The following DOCK10 variants were observed in gnomAD, a reference collection of about 807,000 sequenced individuals.
DOCK10 encodes the protein dedicator of cytokinesis 10.
A neutral mutation model predicts 280.1 loss-of-function variants in DOCK10; 145 were observed. The ratio of observed to expected loss-of-function variants is 0.52; its 90% CI spans 0.45 to 0.59. The LOEUF is 0.59. Ranked by LOEUF, DOCK10 falls within the 20% of genes least tolerant of loss-of-function variation. The pLI is 0.00. For synonymous variants in DOCK10, 915 were observed against 942.2 expected, an observed-to-expected ratio of 0.97 and a Z score of 0.53; for missense variants, 2,368 against 2,651.7, an observed-to-expected ratio of 0.89 and a Z score of 2.35.
At chr2:224,912,732 T>C (rs1171340555) in intron 3 of DOCK10, among the ~76,000 whole-genome samples, 2 of 152,078 alleles carry the variant, frequency 1.3e-5, no homozygotes, top group Non-Finnish European at 2.9e-5. Context: ...TAACAATATA[T>C]TATGGGCATC....
chr2:224,893,062 T>C (rs901739619), intron 4 of DOCK10, among the ~76,000 whole-genome samples: 1 of 152,212 alleles, frequency 6.6e-6, no homozygotes, highest in Non-Finnish European at 1.5e-5. Flanking sequence ...GCATCCGACA[T>C]TGGTGATAAC....
intron 1 of DOCK10, among the ~76,000 whole-genome samples, chr2:224,961,979 TG>T (rs1553623841): frequency 6.6e-6 from 1 of 152,142 alleles, no homozygotes; most frequent in Non-Finnish European, 1.5e-5. Flanking sequence ...AGGAGTTTAT[TG>T]AGGAGCCATG....
intron 26 of DOCK10, among the ~76,000 whole-genome samples, chr2:224,830,919 CTTTT>C (rs1320598112): frequency 2.6e-4 from 24 of 93,756 alleles, no homozygotes; most frequent in Non-Finnish European, 5.1e-4. Context: ...ACTAAACAAA[CTTTT>C]ATTTATTTAT....
chr2:224,826,218 C>A (rs913367645), intron 27 of DOCK10, among the ~76,000 whole-genome samples: 2 of 152,092 alleles, frequency 1.3e-5, no homozygotes, highest in Admixed American at 1.3e-4. Flanking sequence ...TGTGTGCCAC[C>A]ACATCCAGCT....
At chr2:224,976,850 G>C (rs1705475278) in intron 1 of DOCK10, among the ~76,000 whole-genome samples, 1 of 151,936 alleles carries the variant, frequency 6.6e-6, no homozygotes, top group Non-Finnish European at 1.5e-5. Flanking sequence ...TTTTGTTTTT[G>C]GTTTTGTTTT....
At position 224,840,529 on chromosome 2, in the gene DOCK10, T is replaced by C. The variant is rs372949079; in HGVS notation, c.2662-457A>G. Among the ~76,000 whole-genome samples, 5 of 152,296 alleles carry C rather than the reference T, an allele frequency of 3.3e-5. No homozygotes were observed. In the South Asian group the frequency reaches 6.2e-4, roughly 19 times the overall value. ...AAAAAATGTTCAACGTCATTAATCA[T>C]TGGAGAAATGCAAATTAAAACCACA... On this transcript the variant is annotated intron_variant, in intron 23 of 55. Transcript: ENST00000258390.
chr2:224,858,062 T>G (rs933300356), intron 14 of DOCK10, among the ~76,000 whole-genome samples: 1 of 152,194 alleles, frequency 6.6e-6, no homozygotes, highest in Non-Finnish European at 1.5e-5. Flanking sequence ...ATATTAAACA[T>G]GAATATTATT....
In DOCK10 at chr2:224,818,016, C is replaced by A. The variant is rs147154338; in HGVS notation, c.3268-1303G>T. Among the ~76,000 whole-genome samples, 747 of 152,310 alleles carry A rather than the reference C, an allele frequency of 4.9e-3. 7 individuals are homozygous for A. The highest frequency in any genetic ancestry group is 0.017 in the African/African-American group (717 of 41,568). ...CTGTCTTCTCTCCTTAAGAGGCAAGCATGTGACCCAAAGCAGGTTGCTCAC... is the reference window on the plus strand; with the variant it reads ...CTGTCTTCTCTCCTTAAGAGGCAAGAATGTGACCCAAAGCAGGTTGCTCAC... On this transcript the variant is annotated intron_variant, in intron 29 of 55. Coordinates refer to ENST00000258390, the MANE Select transcript of DOCK10 (RefSeq NM_014689.3).
At chr2:224,796,292 A>T (rs748844600) in intron 44 of DOCK10, 24 bp downstream of exon 44, 1 of 1,426,868 alleles carries the variant, frequency 7.0e-7, no homozygotes, top group Non-Finnish European at 9.6e-7. Flanking sequence ...ATTCTGCAGT[A>T]AAAGCCCACA....
intron 1 of DOCK10, among the ~76,000 whole-genome samples, chr2:224,997,655 G>A (rs1395960939): frequency 2.0e-5 from 3 of 152,076 alleles, no homozygotes. Flanking sequence ...ACCTGCTGAT[G>A]GAGGGCGGGA....
At chr2:224,895,839 GTGTATA>G (rs1270598179) in intron 4 of DOCK10, among the ~76,000 whole-genome samples, 2 of 116,188 alleles carry the variant, frequency 1.7e-5, no homozygotes, top group Non-Finnish European at 3.4e-5. Context: ...GTGCGTGTGT[GTGTATA>G]TATATATATA....
At chr2:224,927,749 G>A (rs1702115726) in intron 2 of DOCK10, among the ~76,000 whole-genome samples, 1 of 152,186 alleles carries the variant, frequency 6.6e-6, no homozygotes, top group South Asian at 2.1e-4. Context: ...TCTAGGAAGT[G>A]CTGTTCTATA....
At chr2:224,894,539 G>A (rs953641053) in intron 4 of DOCK10, among the ~76,000 whole-genome samples, 3 of 152,194 alleles carry the variant, frequency 2.0e-5, no homozygotes, top group African/African-American at 7.2e-5. Context: ...AAGATGCTTT[G>A]CTTTTCAGTT....
At chr2:224,975,237 C>G (rs1189534270) in intron 1 of DOCK10, among the ~76,000 whole-genome samples, 1 of 152,046 alleles carries the variant, frequency 6.6e-6, no homozygotes, top group African/African-American at 2.4e-5. Flanking sequence ...ATTCTCATAC[C>G]CAGAGAGAAG....
At chr2:224,974,484 T>A (rs1705288070) in intron 1 of DOCK10, among the ~76,000 whole-genome samples, 1 of 152,124 alleles carries the variant, frequency 6.6e-6, no homozygotes, top group South Asian at 2.1e-4. Flanking sequence ...AGACACATTA[T>A]ATCCTCAACT....
At chr2:224,796,523 C>A in intron 43 of DOCK10, 97 bp from the exon 44 acceptor site, 1 of 711,768 alleles carries the variant, frequency 1.4e-6, no homozygotes, top group South Asian at 1.8e-5. Flanking sequence ...TAGTTTCTCC[C>A]TGTAGGTCCA....
chr2:224,898,170 G>A (rs924077333), intron 3 of DOCK10, among the ~76,000 whole-genome samples: 4 of 152,170 alleles, frequency 2.6e-5, no homozygotes, highest in African/African-American at 7.2e-5. Context: ...AAAGGTGGAC[G>A]GAGAACACAT....
intron 28 of DOCK10, among the ~76,000 whole-genome samples, chr2:224,822,021 G>C (rs1694539928): frequency 6.6e-6 from 1 of 151,968 alleles, no homozygotes; most frequent in South Asian, 2.1e-4. Context: ...AATTAGGCTG[G>C]ATTAAAGCTC....
chr2:224,945,850 T>A (rs2126098917), intron 1 of DOCK10, among the ~76,000 whole-genome samples: 1 of 152,214 alleles, frequency 6.6e-6, no homozygotes, highest in South Asian at 2.1e-4. Context: ...TCATCACAAC[T>A]GGGGAGGGAT....
Sources: gnomAD v4.1 joint callset for allele counts (sites outside exome capture counted in the v4.1 genomes callset) on GRCh38, gnomAD v4.1.1 for gene constraint, MANE v1.5 for transcripts, NCBI Gene and HGNC (gene_info 2026-07-23, HGNC 2026-07-21) for gene names.